Variants in RGS7BP observed in about 807,000 individuals in gnomAD.
RGS7BP encodes the protein regulator of G protein signaling 7 binding protein, also known as regulator of G protein signaling 7-binding protein.
Under a neutral mutation model 31.3 loss-of-function variants are expected in RGS7BP, and 9 were observed. The observed-to-expected ratio is 0.29, with a 90% CI of 0.17 to 0.50. The LOEUF (loss-of-function observed/expected upper bound fraction) is 0.50. Ranked by LOEUF, RGS7BP falls within the 20% of genes least tolerant of loss-of-function variation. The pLI is 0.98. For missense variants in RGS7BP, 274 were observed against 322.0 expected (o/e 0.85, Z 1.14); for synonymous variants, 115 against 120.1 (o/e 0.96, Z 0.28).
chr5:64,561,039 G>A (rs1742042792), intron 2 of RGS7BP, among the ~76,000 whole-genome samples: 1 of 152,016 alleles, frequency 6.6e-6, no homozygotes, highest in Non-Finnish European at 1.5e-5. Context: ...TGCTCTGCTT[G>A]GATGCTGGGA....
intron 2 of RGS7BP, among the ~76,000 whole-genome samples, chr5:64,549,040 A>G (rs747362698): frequency 2.4e-4 from 37 of 152,176 alleles, no homozygotes; most frequent in Non-Finnish European, 4.1e-4. Context: ...TTCCATCCCA[A>G]TAGCTCTGAA....
intron 2 of RGS7BP, among the ~76,000 whole-genome samples, chr5:64,511,227 C>T (rs896836841): frequency 2.0e-5 from 3 of 152,194 alleles, no homozygotes; most frequent in Admixed American, 2.0e-4. Flanking sequence ...TTAAGAAGGC[C>T]ATCTCCACAA....
intron 2 of RGS7BP, among the ~76,000 whole-genome samples, chr5:64,546,395 G>A (rs376003248): frequency 1.8e-4 from 28 of 152,180 alleles, no homozygotes; most frequent in African/African-American, 5.5e-4. Context: ...GAAAGACAGC[G>A]TCACAGAAGC....
intron 2 of RGS7BP, among the ~76,000 whole-genome samples, chr5:64,537,363 T>A (rs1741404068): frequency 6.6e-6 from 1 of 152,216 alleles, no homozygotes; most frequent in Non-Finnish European, 1.5e-5. Flanking sequence ...CTTGTAGCCC[T>A]TGTCCGCGGG....
At chr5:64,524,687 AT>A (rs1181433306) in intron 2 of RGS7BP, among the ~76,000 whole-genome samples, 1 of 152,042 alleles carries the variant, frequency 6.6e-6, no homozygotes, top group Non-Finnish European at 1.5e-5. Context: ...TATTTTTATT[AT>A]TGTATTAGCC....
At chr5:64,535,808 G>A (rs1161570553) in intron 2 of RGS7BP, among the ~76,000 whole-genome samples, 6 of 152,114 alleles carry the variant, frequency 3.9e-5, no homozygotes, top group African/African-American at 1.4e-4. Flanking sequence ...AAGAAGCAAC[G>A]GAATATTTGG....
intron 2 of RGS7BP, among the ~76,000 whole-genome samples, chr5:64,552,651 TGAATTTA>T (rs1228612370): frequency 2.0e-5 from 3 of 152,222 alleles, no homozygotes; most frequent in African/African-American, 7.2e-5. Context: ...CACCTGGGTC[TGAATTTA>T]GATTGTGGCT....
intron 2 of RGS7BP, among the ~76,000 whole-genome samples, chr5:64,512,988 C>CA (rs1162517334): frequency 1.3e-5 from 2 of 152,262 alleles, no homozygotes; most frequent in East Asian, 1.9e-4. Flanking sequence ...CTCTGCACGC[C>CA]AAAATGACAG....
At chr5:64,537,954 G>C (rs79038062) in intron 2 of RGS7BP, among the ~76,000 whole-genome samples, 1,601 of 152,280 alleles carry the variant, frequency 0.011, 38 homozygotes, top group African/African-American at 0.036. Context: ...AAAGAGGAAA[G>C]AACTCATAAC....
chr5:64,608,172 A>G (rs1338355754), intron 5 of RGS7BP, among the ~76,000 whole-genome samples: 1 of 152,176 alleles, frequency 6.6e-6, no homozygotes, highest in Non-Finnish European at 1.5e-5. Flanking sequence ...CAGTCTGACC[A>G]TGTCATAACA....
intron 2 of RGS7BP, among the ~76,000 whole-genome samples, chr5:64,525,949 C>T (rs922414230): frequency 3.9e-5 from 6 of 152,214 alleles, no homozygotes; most frequent in African/African-American, 1.4e-4. Flanking sequence ...CCCCCAGGAG[C>T]AAATCCACCA....
intron 2 of RGS7BP, among the ~76,000 whole-genome samples, chr5:64,516,142 C>T (rs1748967663): frequency 6.6e-6 from 1 of 152,130 alleles, no homozygotes; most frequent in Non-Finnish European, 1.5e-5. Context: ...ACTCTAGATA[C>T]AATCAGGTTA....
chr5:64,532,944 G>A (rs1005797363), intron 2 of RGS7BP, among the ~76,000 whole-genome samples: 2 of 152,238 alleles, frequency 1.3e-5, no homozygotes, highest in African/African-American at 4.8e-5. Context: ...TTACCTCACA[G>A]CCTCATCAAT....
intron 2 of RGS7BP, among the ~76,000 whole-genome samples, chr5:64,516,311 CT>C (rs906939921): frequency 2.6e-5 from 4 of 152,206 alleles, no homozygotes; most frequent in Non-Finnish European, 5.9e-5. Flanking sequence ...GCCCCCACCC[CT>C]ATCCCATAAG....
chr5:64,607,226 AT>A (rs1176531853), intron 5 of RGS7BP, among the ~76,000 whole-genome samples: 1 of 152,072 alleles, frequency 6.6e-6, no homozygotes, highest in Non-Finnish European at 1.5e-5. Context: ...GCCAGAATCT[AT>A]TTTTGCTCTC....
chr5:64,508,934 G>C (rs1367099243), intron 2 of RGS7BP, among the ~76,000 whole-genome samples: 1 of 152,128 alleles, frequency 6.6e-6, no homozygotes, highest in Admixed American at 6.5e-5. Context: ...TACTGCCTCT[G>C]TTAATAATTA....
At chr5:64,522,861 G>C (rs186644437) in intron 2 of RGS7BP, among the ~76,000 whole-genome samples, 24 of 152,254 alleles carry the variant, frequency 1.6e-4, no homozygotes, top group Admixed American at 9.2e-4. Context: ...CTTTCCAAAA[G>C]ATATATGTGA....
At chr5:64,560,441 G>A (rs776796482) in intron 2 of RGS7BP, among the ~76,000 whole-genome samples, 1 of 151,954 alleles carries the variant, frequency 6.6e-6, no homozygotes, top group Non-Finnish European at 1.5e-5. Flanking sequence ...GTGAAGTTGT[G>A]CAAGATGACC....
intron 2 of RGS7BP, among the ~76,000 whole-genome samples, chr5:64,555,387 T>A (rs1420963406): frequency 6.6e-6 from 1 of 152,204 alleles, no homozygotes; most frequent in East Asian, 1.9e-4. Flanking sequence ...TTGTTTTGTT[T>A]CAATAGTAGT....
Sources: allele counts gnomAD v4.1 joint callset (sites outside exome capture counted in the v4.1 genomes callset), GRCh38; gene constraint gnomAD v4.1.1; transcripts MANE v1.5; gene names NCBI Gene and HGNC (gene_info 2026-07-23, HGNC 2026-07-21).